The following DGLUCY variants were observed in gnomAD, a reference collection of about 807,000 sequenced individuals.
DGLUCY encodes the protein D-glutamate cyclase.
In DGLUCY, 58 loss-of-function variants were observed where a neutral mutation model predicts 58.5. The observed-to-expected ratio is 0.99, with a 90% CI of 0.80 to 1.23. The LOEUF (loss-of-function observed/expected upper bound fraction) is 1.23, where lower values mean the gene tolerates loss of function less well. DGLUCY is among the 50% of genes most tolerant of loss of function. DGLUCY has a pLI of 0.00. For synonymous variants in DGLUCY, 325 were observed against 314.1 expected, an observed-to-expected ratio of 1.03 and a Z score of -0.37; for missense variants, 779 against 784.7, an observed-to-expected ratio of 0.99 and a Z score of 0.09.
intron 3 of DGLUCY, among the ~76,000 whole-genome samples, chr14:91,162,041 A>G (rs916336389): frequency 1.3e-5 from 2 of 152,066 alleles, no homozygotes; most frequent in Admixed American, 6.6e-5. Flanking sequence ...CCTGAGTATG[A>G]GTCCCAGCTT....
intron 1 of DGLUCY, among the ~76,000 whole-genome samples, chr14:91,156,573 A>T (rs1416572193): frequency 1.3e-5 from 2 of 152,172 alleles, no homozygotes; most frequent in South Asian, 2.1e-4. Flanking sequence ...CATACATGAG[A>T]TATTTTTACA....
At chr14:91,217,181 A>G (rs1595949346) in intron 13 of DGLUCY, among the ~76,000 whole-genome samples, 1 of 152,180 alleles carries the variant, frequency 6.6e-6, no homozygotes, top group Non-Finnish European at 1.5e-5. Flanking sequence ...GGTAATTTGG[A>G]CTTTGGGAAA....
intron 1 of DGLUCY, among the ~76,000 whole-genome samples, chr14:91,091,512 A>C (rs1423319942): frequency 6.6e-6 from 1 of 152,204 alleles, no homozygotes; most frequent in East Asian, 1.9e-4. Flanking sequence ...ACAAAAATAA[A>C]TAAATAAATA....
At chr14:91,208,043 C>T (rs553200790) in intron 12 of DGLUCY, among the ~76,000 whole-genome samples, 14 of 152,154 alleles carry the variant, frequency 9.2e-5, no homozygotes, top group African/African-American at 2.2e-4. Context: ...CCACCACGCC[C>T]GGCCACCTTT....
intron 1 of DGLUCY, among the ~76,000 whole-genome samples, chr14:91,074,112 T>TACACACACACAC (rs1397235461): frequency 3.3e-5 from 2 of 60,644 alleles, no homozygotes; most frequent in Non-Finnish European, 7.0e-5. Context: ...AAAATATATA[T>TACACACACACAC]ATATATACAC....
At chr14:91,136,714 A>G (rs1395219610) in intron 1 of DGLUCY, among the ~76,000 whole-genome samples, 1 of 151,820 alleles carries the variant, frequency 6.6e-6, no homozygotes, top group Non-Finnish European at 1.5e-5. Context: ...CGCGCCTGTA[A>G]TCCCAGCACT....
At chr14:91,085,467 G>A (rs987770063) in intron 1 of DGLUCY, among the ~76,000 whole-genome samples, 6 of 151,690 alleles carry the variant, frequency 4.0e-5, no homozygotes, top group East Asian at 1.9e-4. Flanking sequence ...CTTATGAGTC[G>A]GTACAGTTGT....
At chr14:91,173,626 G>C in intron 6 of DGLUCY, 187 bp downstream of exon 6, 1 of 739,432 alleles carries the variant, frequency 1.4e-6, no homozygotes, top group Non-Finnish European at 2.0e-6. Context: ...AGTTTGCCAC[G>C]TTCCTAAGCT....
chr14:91,160,523 G>T, intron 3 of DGLUCY, 126 bp downstream of exon 3: 1 of 681,842 alleles, frequency 1.5e-6, no homozygotes, highest in Non-Finnish European at 2.4e-6. Context: ...CAGAAAGTAA[G>T]AGCAGAATGA....
At chr14:91,204,167 A>G (rs2050738422) in intron 11 of DGLUCY, among the ~76,000 whole-genome samples, 1 of 152,254 alleles carries the variant, frequency 6.6e-6, no homozygotes, top group African/African-American at 2.4e-5. Flanking sequence ...CCTCAAGACT[A>G]TGTAGCCTCT....
upstream of DGLUCY, among the ~76,000 whole-genome samples, chr14:91,105,686 A>C (rs1345675813): frequency 6.6e-6 from 1 of 152,234 alleles, no homozygotes; most frequent in African/African-American, 2.4e-5. Context: ...GGGCGTCCTC[A>C]AACTTTTGAA....
At chr14:91,184,984 T>C (rs2049412791) in intron 8 of DGLUCY, among the ~76,000 whole-genome samples, 1 of 152,106 alleles carries the variant, frequency 6.6e-6, no homozygotes. Flanking sequence ...TTTTTTTCTT[T>C]TGAGACACAG....
rs1566925850 is a variant in DGLUCY at position 91,062,612 on chromosome 14, A to ATATATATAT, written c.-82+1908_-82+1909insTATATATAT. ...ATATATATATATATATATATATATA[A>ATATATATAT]ACAATCCTTAGCTCAAGGGCAGTTA... On this transcript the variant is annotated intron_variant, in intron 1 of 4. Transcript: ENST00000521334. Among the ~76,000 whole-genome samples the ATATATATAT allele has an allele frequency of 4.2e-4, 12 of 28,704 alleles. 2 individuals are homozygous for ATATATATAT. Among genetic ancestry groups the ATATATATAT allele is most frequent in the East Asian group, 2.8e-3 (2 of 726 alleles). 18.8% of individuals were successfully genotyped at this position (28,704 alleles called of 152,430 possible). A position where few individuals can be genotyped will look rare whatever the true frequency, so the allele number is the denominator to read the frequency against.
chr14:91,168,031 G>T (rs1200400313), intron 4 of DGLUCY, among the ~76,000 whole-genome samples: 5 of 152,172 alleles, frequency 3.3e-5, no homozygotes, highest in Non-Finnish European at 1.5e-5. Flanking sequence ...TCGGGAGGCT[G>T]AGGCAGGAGG....
Position 91,125,573 on chromosome 14 carries a change from T to C in DGLUCY, c.-82+11290T>C, listed in dbSNP as rs1268453183. ...CCAGCTCTCTCTGTGGGGTGACAAA[T>C]GACCACTGGCAGCCTATGCTCACAT... On this transcript the variant is annotated intron_variant, in intron 1 of 13. Transcript: ENST00000256324. 4 of 152,406 alleles carry C rather than the reference T, an allele frequency of 2.6e-5. No homozygotes were observed. The East Asian group carries it at 7.7e-4, about 29-fold the overall frequency. The allele number at this position is 152,406 out of a possible 1,614,324, so 9.4% of individuals were successfully genotyped here.
At chr14:91,114,612 A>G (rs941677) in intron 1 of DGLUCY, 148,862 of 152,328 alleles carry the variant, frequency 0.98, 72,844 homozygotes, top group East Asian at 1. Context: ...CCCAGGTCAC[A>G]TGAAGGCAAA....
At chr14:91,137,638 G>A (rs991712152) in intron 1 of DGLUCY, among the ~76,000 whole-genome samples, 4 of 150,850 alleles carry the variant, frequency 2.7e-5, no homozygotes, top group Admixed American at 6.6e-5. Flanking sequence ...CTCATGATCC[G>A]CCCGCCTTAG....
chr14:91,077,965 C>T (rs769754768), intron 1 of DGLUCY, among the ~76,000 whole-genome samples: 3 of 152,208 alleles, frequency 2.0e-5, no homozygotes, highest in Non-Finnish European at 2.9e-5. Flanking sequence ...CAAACAGACT[C>T]TGCTTGTAGT....
chr14:91,145,717 A>G (rs1366024802), intron 1 of DGLUCY, among the ~76,000 whole-genome samples: 3 of 151,954 alleles, frequency 2.0e-5, no homozygotes, highest in African/African-American at 7.3e-5. Context: ...TACATACATC[A>G]TCTCCTGGAA....
Sources: gnomAD v4.1 joint callset for allele counts (sites outside exome capture counted in the v4.1 genomes callset) on GRCh38, gnomAD v4.1.1 for gene constraint, MANE v1.5 for transcripts, NCBI Gene and HGNC (gene_info 2026-07-23, HGNC 2026-07-21) for gene names.